The following ESAM variants were observed in gnomAD, a reference collection of about 807,000 sequenced individuals.
ESAM encodes endothelial cell-selective adhesion molecule.
A neutral mutation model predicts 31.8 loss-of-function variants in ESAM; 23 were observed. That is an observed-to-expected ratio of 0.72 (90% CI 0.52 to 1.03). ESAM has a LOEUF of 1.03. Ranked by LOEUF, ESAM falls within the 50% of genes least tolerant of loss-of-function variation. The probability of loss-of-function intolerance (pLI) is 0.00; values close to 1 mark genes in which losing one functional copy is unlikely to be tolerated. For synonymous variants in ESAM, 216 were observed against 207.2 expected (o/e 1.04, Z -0.37); for missense variants, 478 against 488.9 (o/e 0.98, Z 0.21).
chr11:124,758,380 C>G lies in ESAM; in HGVS notation c.218G>C (p.Trp73Ser), dbSNP rs775705768. The G allele has an allele frequency of 6.2e-7, 1 of 1,614,156 alleles. No homozygotes were observed. The highest frequency in any genetic ancestry group is 1.1e-5 in the South Asian group (1 of 91,084). Residue 73 changes from tryptophan (W) to serine (S), a missense_variant, in exon 2 of 7, where the codon TGG becomes TCG. Transcript: ENST00000278927. ...SQPWEVPFVM[W>S]FFKQKEKEDQ... ...CTCCTTTTCTTTCTGTTTGAAGAAC[C>G]ACATCACAAAGGGCACCTCCCATGG... is the stretch of plus-strand genomic sequence containing the variant.
rs1944236240 is a variant in ESAM at position 124,762,027 on chromosome 11, G to T, written c.70+58C>A. The T allele has an allele frequency of 6.0e-6, 9 of 1,491,060 alleles. No homozygotes were observed. Among genetic ancestry groups the T allele is most frequent in the Non-Finnish European group, 8.3e-6 (9 of 1,083,924 alleles). 92.4% of individuals were successfully genotyped at this position (1,491,060 alleles called of 1,614,324 possible). Reference sequence around the variant, plus strand: ...CAGCAGTGGCCAAAGTTCTCCCTCAGGGTCGAACTCACCCCATCCCGCATC... The same window carrying T: ...CAGCAGTGGCCAAAGTTCTCCCTCATGGTCGAACTCACCCCATCCCGCATC... On this transcript the variant is annotated intron_variant, in intron 1 of 6. Coordinates refer to ENST00000278927, the MANE Select transcript of ESAM (RefSeq NM_138961.3). This position sits in a 1 kb window ranked among gnomAD's most constrained non-coding sequence, Gnocchi z 6.4.
At position 124,753,569 on chromosome 11, in the gene ESAM, C is replaced by T. The variant is rs1944116493; in HGVS notation, c.*77G>A. On this transcript the variant is annotated 3_prime_UTR_variant, in exon 7 of 7. Transcript: ENST00000278927. ...TCAGGAGTGTGACTCTTTCCCATGACTCAGGCCTCTGTGCTAGAGGTGACC... is the reference window on the plus strand; with the variant it reads ...TCAGGAGTGTGACTCTTTCCCATGATTCAGGCCTCTGTGCTAGAGGTGACC... 2 of 1,525,840 alleles carry T rather than the reference C, an allele frequency of 1.3e-6. No individual in the cohort carries two copies. Among genetic ancestry groups the T allele is most frequent in the Non-Finnish European group, 9.0e-7 (1 of 1,115,496 alleles). The allele number at this position is 1,525,840 out of a possible 1,614,324, so 94.5% of individuals were successfully genotyped here. A position where few individuals can be genotyped will look rare whatever the true frequency, so the allele number is the denominator to read the frequency against.
At chr11:124,755,588 TA>T (rs1201679615) in intron 4 of ESAM, among the ~76,000 whole-genome samples, 1 of 152,160 alleles carries the variant, frequency 6.6e-6, no homozygotes, top group Non-Finnish European at 1.5e-5. Flanking sequence ...ATGTGAAAAG[TA>T]GAAAGAGGCA....
In ESAM at chr11:124,753,854, G is replaced by A. The variant is rs770493141; in HGVS notation, c.965C>T (p.Pro322Leu). ...TGCACCAGGCCTGGGAGGGCCATGG[G>A]GTGGCCGGAGGGCTCGTGCGGAGGT... ...SVTSARALRP[P>L]HGPPRPGALT... The change falls in exon 7 of 7, where the codon CCC becomes CTC. Residue 322 changes from proline (P) to leucine (L), a missense_variant. Pro to Leu is a moderately conservative substitution (Grantham distance 98). Coordinates refer to ENST00000278927, the MANE Select transcript of ESAM (RefSeq NM_138961.3). 6.2e-7 allele frequency: 1 copy of A among 1,613,864 alleles called. No homozygotes were observed. The highest frequency in any genetic ancestry group is 8.5e-7 in the Non-Finnish European group (1 of 1,179,884).
intron 1 of ESAM, among the ~76,000 whole-genome samples, chr11:124,761,106 C>T (rs1227519265): frequency 6.6e-6 from 1 of 152,192 alleles, no homozygotes. Flanking sequence ...TTTCACTCTA[C>T]AGCTTCCCAG....
chr11:124,761,269 C>A (rs1565443396), intron 1 of ESAM, among the ~76,000 whole-genome samples: 1 of 152,194 alleles, frequency 6.6e-6, no homozygotes, highest in East Asian at 1.9e-4. Flanking sequence ...CTAGTCCTGC[C>A]GGGTCCTCTC....
intron 4 of ESAM, among the ~76,000 whole-genome samples, chr11:124,755,268 A>T (rs1184828292): frequency 2.0e-5 from 3 of 152,164 alleles, no homozygotes; most frequent in Non-Finnish European, 4.4e-5. Context: ...GGGGGGAGGG[A>T]TAGCATTAGG....
chr11:124,754,096 A>G lies in ESAM; in HGVS notation c.857+118T>C, dbSNP rs1180447430. On this transcript the variant is annotated intron_variant, in intron 6 of 6. Coordinates refer to ENST00000278927, the MANE Select transcript of ESAM (RefSeq NM_138961.3). The surrounding 1 kb of genome is among the most constrained non-coding windows in gnomAD (Gnocchi z 4.5). ...TTTCCCTCTCCCTTAAAACCTGCCC[A>G]TAGGAATGATGTTTCAGCCACTGAC... 24 of 1,554,648 alleles carry G rather than the reference A, an allele frequency of 1.5e-5. No individual in the cohort carries two copies. Among genetic ancestry groups the G allele is most frequent in the Non-Finnish European group, 1.9e-5 (22 of 1,147,960 alleles).
At chr11:124,761,456 G>C (rs1007406048) in intron 1 of ESAM, among the ~76,000 whole-genome samples, 6 of 151,088 alleles carry the variant, frequency 4.0e-5, no homozygotes, top group Non-Finnish European at 7.4e-5. Context: ...GGTGGGCCTT[G>C]GGGGGGTGGG....
intron 1 of ESAM, among the ~76,000 whole-genome samples, chr11:124,760,045 T>A (rs570973739): frequency 2.6e-5 from 4 of 152,306 alleles, no homozygotes; most frequent in Admixed American, 2.6e-4. Context: ...TCCTTCACCT[T>A]GTGGACCACC....
In ESAM at chr11:124,758,473, G is replaced by C; in HGVS notation, c.125C>G (p.Ala42Gly). ...AAGCACCACTTCCCCTCCCTCCACC[G>C]CCTGCAACCGGTTGGCGGGCAAGTG... is the stretch of plus-strand genomic sequence containing the variant. Reference protein sequence around the residue: ...QLHLPANRLQAVEGGEVVLPA... With the variant: ...QLHLPANRLQGVEGGEVVLPA... Residue 42 changes from alanine (A) to glycine (G), a missense_variant, in exon 2 of 7, where the codon GCG (alanine) becomes GGG (glycine). Transcript: ENST00000278927. 6.2e-7 allele frequency: 1 copy of C among 1,610,666 alleles called. No individual in the cohort carries two copies. The highest frequency in any genetic ancestry group is 8.5e-7 in the Non-Finnish European group (1 of 1,178,504).
At chr11:124,755,809 A>G (rs1944146085) in intron 4 of ESAM, among the ~76,000 whole-genome samples, 1 of 152,250 alleles carries the variant, frequency 6.6e-6, no homozygotes, top group Non-Finnish European at 1.5e-5. Flanking sequence ...CGAATACTTC[A>G]TATTAAAAAT....
At chr11:124,758,567 C>A in intron 1 of ESAM, 40 bp from the exon 2 acceptor site, 5 of 1,460,014 alleles carry the variant, frequency 3.4e-6, no homozygotes, top group Non-Finnish European at 4.5e-6. Context: ...AGGACCGGCT[C>A]CCAGCTCCGC....
At chr11:124,758,959 GC>G (rs1296421230) in intron 1 of ESAM, among the ~76,000 whole-genome samples, 1 of 152,144 alleles carries the variant, frequency 6.6e-6, no homozygotes, top group Non-Finnish European at 1.5e-5. Context: ...GCTCCGGGCC[GC>G]CAGGGTCCCT....
In ESAM at chr11:124,754,267, G is replaced by A; in HGVS notation, c.804C>T (p.Val268=). Reference sequence around the variant, plus strand: ...CCTTGCCCCGGCGGTGGTACAAGAGGACCAGCCCAGCCAGCAACCCCAGTC... The same window carrying A: ...CCTTGCCCCGGCGGTGGTACAAGAGAACCAGCCCAGCCAGCAACCCCAGTC... ...LVGLGLLAGL[V]LLYHRRGKAL... The change falls in exon 6 of 7, where the codon GTC becomes GTT. Residue 268 remains valine (V), a synonymous_variant. Coordinates refer to ENST00000278927, the MANE Select transcript of ESAM (RefSeq NM_138961.3). The surrounding 1 kb of genome is among the most constrained non-coding windows in gnomAD (Gnocchi z 4.5). 1 of 1,613,928 alleles carries A rather than the reference G, an allele frequency of 6.2e-7. No homozygotes were observed. The highest frequency in any genetic ancestry group is 8.5e-7 in the Non-Finnish European group (1 of 1,179,974).
chr11:124,753,970 C>T lies in ESAM; in HGVS notation c.858-9G>A. ...GAGCAATGGCATCCTCCCTAGTCAT[C>T]AAAGAAATAACAAGAGGTCAGAAGT... On this transcript the variant is annotated splice_polypyrimidine_tract_variant and intron_variant, in intron 6 of 6. Transcript: ENST00000278927. 6.2e-7 allele frequency: 1 copy of T among 1,612,154 alleles called. No homozygotes were observed.
intron 1 of ESAM, among the ~76,000 whole-genome samples, chr11:124,760,931 C>A (rs138993711): frequency 0.015 from 2,357 of 152,274 alleles, 56 homozygotes; most frequent in Admixed American, 0.053. Context: ...CCACCAAGCC[C>A]AGAGGGACAG....
At position 124,756,648 on chromosome 11, in the gene ESAM, C is replaced by T. The variant is rs139159038; in HGVS notation, c.344G>A (p.Gly115Asp). The T allele has an allele frequency of 6.2e-7, 1 of 1,614,000 alleles. No individual in the cohort carries two copies. Among genetic ancestry groups the T allele is most frequent in the East Asian group, 2.2e-5 (1 of 44,886 alleles). Reference sequence around the variant, plus strand: ...GGGGCCAGAGTCTTTCTCCTGGAGACCCTCCAGCCGCAGGGACAGGTTCCG... The same window carrying T: ...GGGGCCAGAGTCTTTCTCCTGGAGATCCTCCAGCCGCAGGGACAGGTTCCG... Reference protein sequence around the residue: ...PSRNLSLRLEGLQEKDSGPYS... With the variant: ...PSRNLSLRLEDLQEKDSGPYS... The change falls in exon 3 of 7, where the codon GGT (glycine) becomes GAT (aspartate). Residue 115 changes from glycine (G) to aspartate (D), a missense_variant. By Grantham distance (94) the Gly-to-Asp change is moderately conservative. Transcript: ENST00000278927.
intron 3 of ESAM, 29 bp from the exon 4 acceptor site, chr11:124,756,391 C>A: frequency 6.3e-7 from 1 of 1,579,726 alleles, no homozygotes; most frequent in Non-Finnish European, 8.6e-7. Context: ...ATTAAAACCA[C>A]ACCCAGGAGA....
Sources: allele counts gnomAD v4.1 joint callset (sites outside exome capture counted in the v4.1 genomes callset), GRCh38; gene constraint gnomAD v4.1.1; non-coding constraint Gnocchi (gnomAD v3.1); transcripts MANE v1.5; gene names NCBI Gene and HGNC (gene_info 2026-07-23, HGNC 2026-07-21).